SRGAP2: variants seen among roughly 807,000 people sequenced by gnomAD.
SRGAP2 encodes the protein SLIT-ROBO Rho GTPase-activating protein 2.
In SRGAP2, 15 loss-of-function variants were observed where a neutral mutation model predicts 57.2. That is an observed-to-expected ratio of 0.26 (90% confidence interval 0.18 to 0.40). The LOEUF is 0.40. Ranked by LOEUF, SRGAP2 falls within the 10% of genes least tolerant of loss-of-function variation. SRGAP2 has a pLI of 1.00. For missense variants in SRGAP2, 520 were observed against 669.6 expected (o/e 0.78, Z 2.47); for synonymous variants, 249 against 248.0 (o/e 1.00, Z -0.04).
chr1:206,447,412 G>T (rs1160049739), intron 18 of SRGAP2, among the ~76,000 whole-genome samples: 2 of 152,210 alleles, frequency 1.3e-5, no homozygotes, highest in Non-Finnish European at 2.9e-5. Flanking sequence ...AAGGAGTGAA[G>T]AAAGTGGCAT....
chr1:206,391,140 C>G (rs2103092855), intron 5 of SRGAP2, among the ~76,000 whole-genome samples: 1 of 149,948 alleles, frequency 6.7e-6, no homozygotes, highest in Non-Finnish European at 1.5e-5. Flanking sequence ...TAGCAATCCC[C>G]AAGTTGTGAC....
At chr1:206,410,759 TG>T (rs1553359275) in intron 10 of SRGAP2, among the ~76,000 whole-genome samples, 1 of 152,258 alleles carries the variant, frequency 6.6e-6, no homozygotes, top group Non-Finnish European at 1.5e-5. Context: ...ACTGTATGAA[TG>T]TGCCATCATT....
chr1:206,361,486 A>G (rs1344641873), intron 4 of SRGAP2, among the ~76,000 whole-genome samples: 2 of 152,028 alleles, frequency 1.3e-5, no homozygotes, highest in East Asian at 1.9e-4. Context: ...GAGGATAACA[A>G]TGACAAAGGA....
At chr1:206,427,837 G>C (rs1447981850) in intron 13 of SRGAP2, among the ~76,000 whole-genome samples, 2 of 152,174 alleles carry the variant, frequency 1.3e-5, no homozygotes, top group Non-Finnish European at 2.9e-5. Flanking sequence ...GGCCAGGCAC[G>C]ATGGTTCATA....
At chr1:206,226,870 G>A (rs1386717836) in intron 2 of SRGAP2, among the ~76,000 whole-genome samples, 1 of 152,166 alleles carries the variant, frequency 6.6e-6, no homozygotes, top group Admixed American at 6.5e-5. Context: ...CAATTTGGGC[G>A]AGATAGATGA....
intron 3 of SRGAP2, among the ~76,000 whole-genome samples, chr1:206,309,793 G>A (rs1294295662): frequency 2.7e-4 from 41 of 151,486 alleles, no homozygotes; most frequent in Non-Finnish European, 8.8e-5. Flanking sequence ...CAGAATCTTC[G>A]GAGTAAAAGT....
At chr1:206,300,965 C>T (rs1432047198) in intron 2 of SRGAP2, among the ~76,000 whole-genome samples, 1 of 152,132 alleles carries the variant, frequency 6.6e-6, no homozygotes, top group Non-Finnish European at 1.5e-5. Context: ...CCATCCATAT[C>T]CCCTGTACAT....
At chr1:206,251,565 T>C (rs1192312832) in intron 2 of SRGAP2, among the ~76,000 whole-genome samples, 5 of 151,196 alleles carry the variant, frequency 3.3e-5, no homozygotes, top group Non-Finnish European at 5.9e-5. Flanking sequence ...CTTCAGGTTT[T>C]GTAGGATTAC....
chr1:206,463,268 A>G lies in SRGAP2; in HGVS notation c.*1848A>G, dbSNP rs1664372710. 1 of 152,348 alleles carries G rather than the reference A, an allele frequency of 6.6e-6. No individual in the cohort carries two copies. The highest frequency in any genetic ancestry group is 1.5e-5 in the Non-Finnish European group (1 of 67,994). 9.4% of individuals were successfully genotyped at this position (152,348 alleles called of 1,614,324 possible). ...AAGTGCTAGGCAGGAGAACTGAAGAACTCTTTCAGTGAAGTGAGTCAGCCT... is the reference window on the plus strand; with the variant it reads ...AAGTGCTAGGCAGGAGAACTGAAGAGCTCTTTCAGTGAAGTGAGTCAGCCT... On this transcript the variant is annotated 3_prime_UTR_variant, in exon 23 of 23. Transcript: ENST00000573034.
chr1:206,323,219 GTTTA>G (rs1481836971), intron 3 of SRGAP2, among the ~76,000 whole-genome samples: 1 of 151,136 alleles, frequency 6.6e-6, no homozygotes, highest in Admixed American at 6.6e-5. Context: ...ATATAATTTG[GTTTA>G]TTTATTTGTT....
At chr1:206,352,827 T>C (rs1471278547) in intron 4 of SRGAP2, among the ~76,000 whole-genome samples, 2 of 151,862 alleles carry the variant, frequency 1.3e-5, no homozygotes, top group Non-Finnish European at 2.9e-5. Context: ...TGTTTGTTTG[T>C]TTGTTTTAAA....
intron 2 of SRGAP2, among the ~76,000 whole-genome samples, chr1:206,266,614 G>A (rs1669866327): frequency 6.6e-6 from 1 of 152,128 alleles, no homozygotes; most frequent in African/African-American, 2.4e-5. Flanking sequence ...GATGTAAAGT[G>A]CTGTGTTAAC....
chr1:206,341,402 A>G (rs61816825), intron 3 of SRGAP2, among the ~76,000 whole-genome samples: 2,584 of 152,230 alleles, frequency 0.017, 49 homozygotes, highest in East Asian at 0.049. Context: ...TGGAATTGCC[A>G]CTTTTTAGCT....
intron 2 of SRGAP2, among the ~76,000 whole-genome samples, chr1:206,287,000 G>A (rs1671066249): frequency 6.6e-6 from 1 of 152,158 alleles, no homozygotes. Flanking sequence ...GACCAGTTAG[G>A]AGCTACCACA....
chr1:206,259,302 CT>C (rs1200754827), intron 2 of SRGAP2, among the ~76,000 whole-genome samples: 1 of 147,534 alleles, frequency 6.8e-6, no homozygotes, highest in Non-Finnish European at 1.5e-5. Flanking sequence ...CATTTGTGGC[CT>C]TTTAATTCTG....
chr1:206,319,326 G>A (rs1312179312), intron 3 of SRGAP2, among the ~76,000 whole-genome samples: 1 of 150,852 alleles, frequency 6.6e-6, no homozygotes, highest in East Asian at 1.9e-4. Context: ...CAGGAGAATG[G>A]TGTGAACCCA....
chr1:206,457,760 C>G (rs1395663943), intron 21 of SRGAP2, among the ~76,000 whole-genome samples: 1 of 152,202 alleles, frequency 6.6e-6, no homozygotes, highest in African/African-American at 2.4e-5. Context: ...TAACCCCTTC[C>G]CTCCTTCCAC....
At chr1:206,415,795 C>T in intron 10 of SRGAP2, 94 bp from the exon 11 acceptor site, 1 of 704,808 alleles carries the variant, frequency 1.4e-6, no homozygotes, top group Non-Finnish European at 2.6e-6. Context: ...AACCAAATGA[C>T]CTCTATATAG....
chr1:206,237,875 C>G (rs1460694536), intron 2 of SRGAP2, among the ~76,000 whole-genome samples: 1 of 109,966 alleles, frequency 9.1e-6, no homozygotes, highest in Admixed American at 1.0e-4. Flanking sequence ...CCGTATGTTT[C>G]TCTCCTTTTT....
Sources: gnomAD v4.1 joint callset for allele counts (sites outside exome capture counted in the v4.1 genomes callset) on GRCh38, gnomAD v4.1.1 for gene constraint, MANE v1.5 for transcripts, NCBI Gene and HGNC (gene_info 2026-07-23, HGNC 2026-07-21) for gene names.